The following RCN3 variants were observed in gnomAD, a reference collection of about 807,000 sequenced individuals.
The protein encoded by RCN3 is reticulocalbin-3.
A neutral mutation model predicts 35.9 loss-of-function variants in RCN3; 41 were observed. The observed-to-expected ratio is 1.14, with a 90% CI of 0.89 to 1.48. RCN3 has a LOEUF of 1.48. Ranked by LOEUF, RCN3 falls within the 40% of genes most tolerant of loss-of-function variation. The pLI is 0.00. For missense variants in RCN3, 451 were observed against 471.3 expected (o/e 0.96, Z 0.40); for synonymous variants, 187 against 193.4 (o/e 0.97, Z 0.27).
At chr19:49,541,681 G>A (rs2080163467) in intron 5 of RCN3, among the ~76,000 whole-genome samples, 1 of 148,764 alleles carries the variant, frequency 6.7e-6, no homozygotes, top group African/African-American at 2.5e-5. Flanking sequence ...CCCAGAAGGT[G>A]CAGGTTGCAG....
In RCN3 at chr19:49,543,096, CT is replaced by C. The variant is rs746427293; in HGVS notation, c.880-9del. 2 of 1,612,056 alleles carry C rather than the reference CT, an allele frequency of 1.2e-6. No individual in the cohort carries two copies. On this transcript the variant is annotated splice_polypyrimidine_tract_variant and intron_variant, in intron 6 of 6. Coordinates refer to ENST00000270645, the MANE Select transcript of RCN3 (RefSeq NM_020650.3). ...GTGTTGTCCCCTCTGAACCCTGACC[CT>C]CCCTCCAGGATGGGCGGCTGAGCAA...
At chr19:49,540,728 C>T (rs1441831967) in intron 5 of RCN3, among the ~76,000 whole-genome samples, 1 of 149,524 alleles carries the variant, frequency 6.7e-6, no homozygotes, top group African/African-American at 2.5e-5. Flanking sequence ...GGGATCCTCC[C>T]ACCTCAGCCT....
At chr19:49,533,313 G>C (rs73582462) in intron 2 of RCN3, among the ~76,000 whole-genome samples, 17,674 of 152,150 alleles carry the variant, frequency 0.12, 1,256 homozygotes, top group African/African-American at 0.19. Flanking sequence ...CTGCTGTCTC[G>C]GATTTTCGAC....
chr19:49,540,932 CTTT>C (rs1262372704), intron 5 of RCN3, among the ~76,000 whole-genome samples: 5 of 138,830 alleles, frequency 3.6e-5, no homozygotes, highest in Non-Finnish European at 4.7e-5. Flanking sequence ...GTCCCCATCT[CTTT>C]TTTTTTTTTT....
Position 49,543,216 on chromosome 19 carries a change from A to C in RCN3, c.*3A>C, listed in dbSNP as rs1129460. On this transcript the variant is annotated 3_prime_UTR_variant, in exon 7 of 7. Coordinates refer to ENST00000270645, the MANE Select transcript of RCN3 (RefSeq NM_020650.3). ...CCCGGCACCACGATGAGCTGTGAGC[A>C]CCGCGCACCTGCCACAGCCTCAGAG... The C allele has an allele frequency of 0.081, 128,673 of 1,598,292 alleles. 6,132 individuals are homozygous for C. The highest frequency in any genetic ancestry group is 0.18 in the African/African-American group (13,617 of 74,440).
chr19:49,537,887 C>T (rs1398854430), intron 4 of RCN3, among the ~76,000 whole-genome samples: 3 of 152,074 alleles, frequency 2.0e-5, no homozygotes, highest in African/African-American at 7.2e-5. Flanking sequence ...GATCTGCCCA[C>T]CTTGGCCTCC....
chr19:49,540,163 G>C (rs564014907), intron 5 of RCN3, among the ~76,000 whole-genome samples: 2 of 150,978 alleles, frequency 1.3e-5, no homozygotes, highest in South Asian at 4.2e-4. Flanking sequence ...CTGTCTGTCT[G>C]TGTGTGTGTG....
At chr19:49,532,868 G>T (rs1220328680) in intron 2 of RCN3, among the ~76,000 whole-genome samples, 2 of 151,918 alleles carry the variant, frequency 1.3e-5, no homozygotes, top group Non-Finnish European at 2.9e-5. Flanking sequence ...TAGAGACAAG[G>T]TTTCACCATG....
intron 2 of RCN3, among the ~76,000 whole-genome samples, chr19:49,531,226 G>T (rs1328180462): frequency 1.3e-5 from 2 of 152,174 alleles, no homozygotes; most frequent in African/African-American, 4.8e-5. Context: ...GGCTGAGGAG[G>T]GAGGATCACT....
At chr19:49,536,695 G>A (rs1486439769) in intron 3 of RCN3, among the ~76,000 whole-genome samples, 4 of 147,992 alleles carry the variant, frequency 2.7e-5, no homozygotes, top group South Asian at 2.1e-4. Context: ...GGCAACCTCC[G>A]CTTCCTGGGT....
chr19:49,540,864 C>T (rs1377365127), intron 5 of RCN3, among the ~76,000 whole-genome samples: 1 of 151,668 alleles, frequency 6.6e-6, no homozygotes, highest in African/African-American at 2.4e-5. Flanking sequence ...TAGCATTCTC[C>T]GGTGCACAGG....
chr19:49,542,934 C>CCAGAGAGAGAGGGGGACAGAGACT lies in RCN3; in HGVS notation c.880-166_880-165insGAGAGGGGGACAGAGACTCAGAGA, dbSNP rs1555811884. 3.9e-3 allele frequency among the ~76,000 whole-genome samples: 591 copies of CCAGAGAGAGAGGGGGACAGAGACT among 151,678 alleles called. 6 individuals are homozygous for CCAGAGAGAGAGGGGGACAGAGACT. The highest frequency in any genetic ancestry group is 0.014 in the African/African-American group (565 of 41,258). On this transcript the variant is annotated intron_variant, in intron 6 of 6. Transcript: ENST00000270645. The stretch of plus-strand genomic sequence containing the variant: ...CCCAGAAAGAGAGGGGGACAGAGAC[C>CCAGAGAGAGAGGGGGACAGAGACT]CAGAGACCCAAAGAGAGAAGGACAG...
intron 2 of RCN3, 57 bp downstream of exon 2, chr19:49,528,771 G>A: frequency 1.4e-6 from 2 of 1,459,324 alleles, no homozygotes; most frequent in Non-Finnish European, 1.8e-6. Context: ...AGAGAGACGC[G>A]GGGGTATCGA....
chr19:49,532,669 C>CCT (rs1342893546), intron 2 of RCN3, among the ~76,000 whole-genome samples: 1 of 128,252 alleles, frequency 7.8e-6, no homozygotes, highest in Non-Finnish European at 1.7e-5. Context: ...CCACCGTGCC[C>CCT]GGCCTATTAT....
Position 49,528,325 on chromosome 19 carries a change from C to A in RCN3, c.-6-142C>A, listed in dbSNP as rs992945437. The A allele has an allele frequency of 1.1e-5, 8 of 738,318 alleles. No individual in the cohort carries two copies. The East Asian group carries it at 1.8e-4, about 17-fold the overall frequency. The allele number at this position is 738,318 out of a possible 1,614,324, so 45.7% of individuals were successfully genotyped here. ...TCCCGCCCTCTTTTCCCCCATCGCC[C>A]GCCCTTTTTGAGCCCGAAAGCTTGC... On this transcript the variant is annotated intron_variant, in intron 1 of 6. Transcript: ENST00000270645.
At chr19:49,532,900 G>A (rs887954098) in intron 2 of RCN3, among the ~76,000 whole-genome samples, 14 of 150,262 alleles carry the variant, frequency 9.3e-5, no homozygotes, top group Middle Eastern at 3.6e-3. Flanking sequence ...GGTCTGGAAC[G>A]TCTGATCTCA....
intron 3 of RCN3, among the ~76,000 whole-genome samples, chr19:49,536,685 G>A (rs949196786): frequency 6.1e-5 from 9 of 148,104 alleles, no homozygotes; most frequent in Non-Finnish European, 8.9e-5. Context: ...CTCAGCTCAC[G>A]GCAACCTCCG....
At chr19:49,540,930 C>T (rs2080159998) in intron 5 of RCN3, among the ~76,000 whole-genome samples, 1 of 148,654 alleles carries the variant, frequency 6.7e-6, no homozygotes, top group South Asian at 2.1e-4. Flanking sequence ...CTGTCCCCAT[C>T]TCTTTTTTTT....
Position 49,537,104 on chromosome 19 carries a change from C to T in RCN3, c.517C>T (p.Arg173Trp), listed in dbSNP as rs1568710908. Residue 173 changes from arginine to tryptophan, a missense_variant, in exon 4 of 7, where the codon CGG becomes TGG. Coordinates refer to ENST00000270645, the MANE Select transcript of RCN3 (RefSeq NM_020650.3). ...GCTGGCTCGGGACGAGCGGCGTTTC[C>T]GGGTGGCCGACCAGGATGGGGACTC... ...KMLARDERRFRVADQDGDSMA... is the reference protein window; with the variant it reads ...KMLARDERRFWVADQDGDSMA... 17 of 1,597,998 alleles carry T rather than the reference C, an allele frequency of 1.1e-5. No individual in the cohort carries two copies. The highest frequency in any genetic ancestry group is 1.7e-5 in the Admixed American group (1 of 58,500).
Sources: allele counts gnomAD v4.1 joint callset (sites outside exome capture counted in the v4.1 genomes callset), GRCh38; gene constraint gnomAD v4.1.1; transcripts MANE v1.5; gene names NCBI Gene and HGNC (gene_info 2026-07-23, HGNC 2026-07-21).